EXOC6B: variants seen among roughly 807,000 people sequenced by gnomAD.
The protein encoded by EXOC6B is exocyst complex component 6B, also known as SEC15 homolog B.
Under a neutral mutation model 113.5 loss-of-function variants are expected in EXOC6B, and 54 were observed. That is an observed-to-expected ratio of 0.48 (90% CI 0.38 to 0.60). The LOEUF (loss-of-function observed/expected upper bound fraction) is 0.60, where lower values mean the gene tolerates loss of function less well. Ranked by LOEUF, EXOC6B falls within the 20% of genes least tolerant of loss-of-function variation. EXOC6B has a pLI of 0.00. For missense variants in EXOC6B, 797 were observed against 977.5 expected (o/e 0.82, Z 2.46); for synonymous variants, 357 against 339.0 (o/e 1.05, Z -0.58).
At chr2:72,251,732 C>T (rs2104547922) in intron 20 of EXOC6B, among the ~76,000 whole-genome samples, 1 of 152,212 alleles carries the variant, frequency 6.6e-6, no homozygotes, top group Admixed American at 6.5e-5. Flanking sequence ...TTAGTATTTC[C>T]TTGGTTCTGC....
intron 20 of EXOC6B, among the ~76,000 whole-genome samples, chr2:72,299,032 C>T (rs546189071): frequency 6.6e-6 from 1 of 152,122 alleles, no homozygotes; most frequent in East Asian, 1.9e-4. Flanking sequence ...TGTTGGCCTG[C>T]CTTGCTAGGT....
chr2:72,298,233 A>G (rs1686269628), intron 20 of EXOC6B, among the ~76,000 whole-genome samples: 1 of 152,048 alleles, frequency 6.6e-6, no homozygotes, highest in Non-Finnish European at 1.5e-5. Context: ...ATCCTTTACC[A>G]TTATGTAGTG....
At chr2:72,249,758 G>A (rs1173880700) in intron 20 of EXOC6B, among the ~76,000 whole-genome samples, 1 of 152,110 alleles carries the variant, frequency 6.6e-6, no homozygotes, top group African/African-American at 2.4e-5. Flanking sequence ...TGACAAGAAA[G>A]CTATGTCAAT....
intron 7 of EXOC6B, among the ~76,000 whole-genome samples, chr2:72,565,331 A>G (rs1704097977): frequency 1.4e-5 from 2 of 142,478 alleles, no homozygotes; most frequent in African/African-American, 5.5e-5. Flanking sequence ...AGCCTGAGTG[A>G]CAGAGTGAGA....
At chr2:72,615,207 T>C (rs1671310194) in intron 6 of EXOC6B, among the ~76,000 whole-genome samples, 2 of 152,084 alleles carry the variant, frequency 1.3e-5, no homozygotes, top group East Asian at 1.9e-4. Context: ...TCAATATAAA[T>C]AAAACAAAAA....
At position 72,825,985 on chromosome 2, in the gene EXOC6B, C is replaced by T; in HGVS notation, c.-75G>A. 3.2e-6 allele frequency: 5 copies of T among 1,561,440 alleles called. No individual in the cohort carries two copies. The highest frequency in any genetic ancestry group is 4.3e-6 in the Non-Finnish European group (5 of 1,156,736). On this transcript the variant is annotated 5_prime_UTR_variant, in exon 1 of 22. Coordinates refer to ENST00000272427, the MANE Select transcript of EXOC6B (RefSeq NM_015189.3). The surrounding 1 kb of genome is among the most constrained non-coding windows in gnomAD (Gnocchi z 4.4). ...TTTCCCTGCCCCACAATGCCGCTCC[C>T]ACCACAGGCTCCACAGCCGCCCCAG...
At chr2:72,796,878 G>A (rs1477192358) in intron 1 of EXOC6B, among the ~76,000 whole-genome samples, 1 of 152,178 alleles carries the variant, frequency 6.6e-6, no homozygotes, top group Non-Finnish European at 1.5e-5. Flanking sequence ...TCCATCCTCA[G>A]GAGAGCACCC....
rs554967369 is a variant in EXOC6B, at chr2:72,652,766, T to C, written c.669+65337A>G. Among the ~76,000 whole-genome samples the C allele has an allele frequency of 2.0e-5, 3 of 148,040 alleles. No individual in the cohort carries two copies. The East Asian group carries it at 5.8e-4, about 29-fold the overall frequency. On this transcript the variant is annotated intron_variant, in intron 6 of 21. Transcript: ENST00000272427. The stretch of plus-strand genomic sequence containing the variant: ...TATATCTAATATATAAAATATGTAG[T>C]AATATATAATATACGTAATATAATT...
At chr2:72,628,927 C>T (rs1672224938) in intron 6 of EXOC6B, among the ~76,000 whole-genome samples, 1 of 152,126 alleles carries the variant, frequency 6.6e-6, no homozygotes, top group Non-Finnish European at 1.5e-5. Context: ...TGCCTGTGCC[C>T]TAATCTTTCT....
At chr2:72,378,632 T>G (rs549371264) in intron 19 of EXOC6B, among the ~76,000 whole-genome samples, 5 of 152,290 alleles carry the variant, frequency 3.3e-5, no homozygotes, top group Admixed American at 6.5e-5. Flanking sequence ...CTTTTTAAAT[T>G]AAAAATAGCA....
intron 5 of EXOC6B, among the ~76,000 whole-genome samples, chr2:72,726,915 A>T (rs1680333503): frequency 6.6e-6 from 1 of 152,194 alleles, no homozygotes; most frequent in Admixed American, 6.5e-5. Flanking sequence ...CAAACAGTGT[A>T]ACAACTACTT....
chr2:72,819,905 G>T (rs1179045334), intron 1 of EXOC6B, among the ~76,000 whole-genome samples: 1 of 152,142 alleles, frequency 6.6e-6, no homozygotes. Flanking sequence ...GCCCACTTGG[G>T]TGGTAAGTTG....
intron 8 of EXOC6B, among the ~76,000 whole-genome samples, chr2:72,527,483 C>G (rs1247481487): frequency 2.6e-5 from 4 of 151,888 alleles, no homozygotes; most frequent in Non-Finnish European, 5.9e-5. Flanking sequence ...CAGTTTGGGG[C>G]TATTATAAAT....
At chr2:72,822,483 AAAGTAATAACAGTAATAT>A (rs1475331736) in intron 1 of EXOC6B, among the ~76,000 whole-genome samples, 1 of 152,200 alleles carries the variant, frequency 6.6e-6, no homozygotes, top group Non-Finnish European at 1.5e-5. Context: ...GCTCAAAACT[AAAGTAATAACAGTAATAT>A]AATGAAAAAG....
intron 19 of EXOC6B, among the ~76,000 whole-genome samples, chr2:72,355,948 G>C (rs1407668294): frequency 6.6e-6 from 1 of 152,114 alleles, no homozygotes; most frequent in Non-Finnish European, 1.5e-5. Flanking sequence ...ACATTCTTAA[G>C]ATTGCTCTCT....
intron 6 of EXOC6B, among the ~76,000 whole-genome samples, chr2:72,581,213 T>TTTGGTAAAAAACTGTTTGGTA (rs1705200645): frequency 6.6e-6 from 1 of 152,196 alleles, no homozygotes; most frequent in Non-Finnish European, 1.5e-5. Context: ...AAATTAACTG[T>TTTGGTAAAAAACTGTTTGGTA]AAAAAAGCTG....
intron 1 of EXOC6B, among the ~76,000 whole-genome samples, chr2:72,802,509 T>A (rs1685342855): frequency 6.6e-6 from 1 of 152,134 alleles, no homozygotes. Context: ...AAATTATAAA[T>A]GTATATAAAT....
chr2:72,456,545 C>T (rs544674494), intron 18 of EXOC6B, among the ~76,000 whole-genome samples: 56 of 152,208 alleles, frequency 3.7e-4, no homozygotes, highest in Non-Finnish European at 5.1e-4. Context: ...CTAATAGACA[C>T]GATGGTATAA....
At chr2:72,401,565 A>ATATGTG (rs1693232918) in intron 18 of EXOC6B, among the ~76,000 whole-genome samples, 1 of 25,702 alleles carries the variant, frequency 3.9e-5, no homozygotes, top group Non-Finnish European at 6.0e-5. Flanking sequence ...ATATATATAT[A>ATATGTG]CATATATATA....
Sources: gnomAD v4.1 joint callset for allele counts (sites outside exome capture counted in the v4.1 genomes callset) on GRCh38, gnomAD v4.1.1 for gene constraint, Gnocchi (gnomAD v3.1) non-coding constraint, MANE v1.5 for transcripts, NCBI Gene and HGNC (gene_info 2026-07-23, HGNC 2026-07-21) for gene names.